CHRNB3: variants seen among roughly 807,000 people sequenced by gnomAD.
The protein encoded by CHRNB3 is neuronal acetylcholine receptor subunit beta-3.
A neutral mutation model predicts 40.6 loss-of-function variants in CHRNB3; 37 were observed. The observed-to-expected ratio is 0.91, with a 90% CI of 0.70 to 1.20. The LOEUF is 1.20. CHRNB3 is among the 50% of genes most tolerant of loss of function. CHRNB3 has a pLI of 0.00. For missense variants in CHRNB3, 505 were observed against 551.2 expected, an observed-to-expected ratio of 0.92 and a Z score of 0.84; for synonymous variants, 207 against 207.1, an observed-to-expected ratio of 1.00 and a Z score of 0.00.
At chr8:42,724,680 TA>T (rs1490117543) in intron 3 of CHRNB3, among the ~76,000 whole-genome samples, 4 of 151,878 alleles carry the variant, frequency 2.6e-5, no homozygotes, top group African/African-American at 9.7e-5. Context: ...GCAGCCAATG[TA>T]GAAAACGCTG....
At chr8:42,725,253 C>T (rs112952661) in intron 3 of CHRNB3, among the ~76,000 whole-genome samples, 2,545 of 151,684 alleles carry the variant, frequency 0.017, 82 homozygotes, top group African/African-American at 0.059. Context: ...CCATGCCCGG[C>T]TAATTTTTGT....
chr8:42,734,647 C>T (rs1282989799), intron 5 of CHRNB3, among the ~76,000 whole-genome samples: 2 of 151,590 alleles, frequency 1.3e-5, no homozygotes, highest in African/African-American at 4.8e-5. Context: ...TGTCGATTTC[C>T]TGACCTCGTG....
intron 3 of CHRNB3, among the ~76,000 whole-genome samples, chr8:42,716,359 G>A (rs1816104914): frequency 6.6e-6 from 1 of 150,780 alleles, no homozygotes; most frequent in African/African-American, 2.5e-5. Flanking sequence ...GACAACAAAT[G>A]CCAAATTTAC....
At chr8:42,733,105 G>A (rs920416842) in intron 5 of CHRNB3, among the ~76,000 whole-genome samples, 1 of 151,942 alleles carries the variant, frequency 6.6e-6, no homozygotes, top group Non-Finnish European at 1.5e-5. Flanking sequence ...CAAAGCGGGT[G>A]TATCACTTGA....
rs1232659468 is a variant in CHRNB3, at chr8:42,731,063, AAT to A, written c.359+362_359+363del. ...GAGCGAGACTCCGTCTCAAAAAATA[AAT>A]AAATAAATAAATAAATAAATAAATA... is the stretch of plus-strand genomic sequence containing the variant. On this transcript the variant is annotated intron_variant, in intron 4 of 5. Coordinates refer to ENST00000289957, the MANE Select transcript of CHRNB3 (RefSeq NM_000749.5). Among the ~76,000 whole-genome samples, 33 of 133,832 alleles carry A rather than the reference AAT, an allele frequency of 2.5e-4. 1 individual carries two copies. The highest frequency in any genetic ancestry group is 9.8e-4 in the African/African-American group (33 of 33,616). The allele number at this position is 133,832 out of a possible 152,430, so 87.8% of individuals were successfully genotyped here.
chr8:42,703,435 A>AAAAAAAAAAAAT, intron 1 of CHRNB3, among the ~76,000 whole-genome samples: 4 of 47,398 alleles, frequency 8.4e-5, no homozygotes, highest in Non-Finnish European at 1.9e-4. Flanking sequence ...AAAAAAAAAA[A>AAAAAAAAAAAAT]ATATTTATAT....
chr8:42,705,369 G>T (rs527346189), intron 1 of CHRNB3, among the ~76,000 whole-genome samples: 197 of 152,336 alleles, frequency 1.3e-3, no homozygotes, highest in African/African-American at 4.6e-3. Flanking sequence ...AAGTTCAAGT[G>T]CTGGAAATTT....
Position 42,732,239 on chromosome 8 carries a change from T to C in CHRNB3, c.932T>C (p.Ile311Thr). 6.2e-7 allele frequency: 1 copy of C among 1,612,020 alleles called. No individual in the cohort carries two copies. The highest frequency in any genetic ancestry group is 2.2e-5 in the East Asian group (1 of 44,876). The change falls in exon 5 of 6, where the codon ATC becomes ACC. Residue 311 changes from isoleucine to threonine, a missense_variant. Transcript: ENST00000289957. ...LFIMIFVTLSIIVTVFVINVH... is the reference protein window; with the variant it reads ...LFIMIFVTLSTIVTVFVINVH... ...ATCATGATTTTTGTGACCCTGTCCATCATTGTTACCGTGTTTGTCATTAAC... is the reference window on the plus strand; with the variant it reads ...ATCATGATTTTTGTGACCCTGTCCACCATTGTTACCGTGTTTGTCATTAAC...
rs137865981 is a variant in CHRNB3, at chr8:42,736,977, G to A, written c.*359G>A. On this transcript the variant is annotated 3_prime_UTR_variant, in exon 6 of 6. Transcript: ENST00000289957. ...AGCAGGCCTCGGTGGTGGGGGAGGG[G>A]GGATTCACCTGGAATTAAGGAAGTC... 85 of 198,436 alleles carry A rather than the reference G, an allele frequency of 4.3e-4. No individual in the cohort carries two copies. The highest frequency in any genetic ancestry group is 7.7e-4 in the Non-Finnish European group (76 of 98,330). 12.3% of individuals were successfully genotyped at this position (198,436 alleles called of 1,614,324 possible). A position where few individuals can be genotyped will look rare whatever the true frequency, so the allele number is the denominator to read the frequency against.
intron 3 of CHRNB3, among the ~76,000 whole-genome samples, chr8:42,713,913 G>A (rs1481311954): frequency 6.6e-6 from 1 of 152,122 alleles, no homozygotes; most frequent in Admixed American, 6.5e-5. Context: ...CCTCCTTCCT[G>A]AACACTAAGC....
intron 1 of CHRNB3, among the ~76,000 whole-genome samples, chr8:42,701,806 G>C (rs75628551): frequency 1.3e-5 from 2 of 152,122 alleles, no homozygotes; most frequent in African/African-American, 4.8e-5. Context: ...CTTAAACTCT[G>C]ACAGTCTTTT....
chr8:42,731,182 G>C (rs1385217602), intron 4 of CHRNB3, among the ~76,000 whole-genome samples: 1 of 152,056 alleles, frequency 6.6e-6, no homozygotes, highest in Non-Finnish European at 1.5e-5. Flanking sequence ...TCTGATTCAG[G>C]CAAAATACTT....
intron 5 of CHRNB3, among the ~76,000 whole-genome samples, chr8:42,734,450 C>T (rs1188045231): frequency 3.4e-5 from 5 of 144,938 alleles, no homozygotes; most frequent in South Asian, 2.2e-4. Context: ...GATGGAGTCT[C>T]GCTCTGTCAC....
At chr8:42,712,053 C>T (rs567983760) in intron 3 of CHRNB3, among the ~76,000 whole-genome samples, 75 of 152,118 alleles carry the variant, frequency 4.9e-4, no homozygotes, top group Non-Finnish European at 8.8e-4. Flanking sequence ...AGTGCAATGG[C>T]GCAATCTCGG....
At chr8:42,734,637 T>TCTCC (rs2128909119) in intron 5 of CHRNB3, among the ~76,000 whole-genome samples, 1 of 151,794 alleles carries the variant, frequency 6.6e-6, no homozygotes, top group East Asian at 2.0e-4. Context: ...ACCAGGATGG[T>TCTCC]GTCGATTTCC....
At chr8:42,718,498 C>T (rs983280780) in intron 3 of CHRNB3, among the ~76,000 whole-genome samples, 2 of 151,504 alleles carry the variant, frequency 1.3e-5, no homozygotes, top group African/African-American at 4.9e-5. Flanking sequence ...ACAGTGAAAC[C>T]CCATTTCTAC....
Position 42,713,953 on chromosome 8 carries a change from G to C in CHRNB3, c.249+3519G>C, listed in dbSNP as rs952311391. On this transcript the variant is annotated intron_variant, in intron 3 of 5. Transcript: ENST00000289957. ...CTTCTAGATCACAGGAGGAGCCAAA[G>C]CAGGAGAAACGAAGCTTCACATTCC... 7.9e-5 allele frequency among the ~76,000 whole-genome samples: 12 copies of C among 152,292 alleles called. 1 individual carries two copies. Among genetic ancestry groups the C allele is most frequent in the African/African-American group, 2.9e-4 (12 of 41,574 alleles).
intron 1 of CHRNB3, among the ~76,000 whole-genome samples, chr8:42,708,498 A>ACACACACACACAC (rs59049088): frequency 1.7e-3 from 117 of 70,086 alleles, no homozygotes; most frequent in African/African-American, 3.4e-3. Flanking sequence ...CACACACACA[A>ACACACACACACAC]ACAAAATGTG....
Position 42,697,510 on chromosome 8 carries a change from A to C in CHRNB3, c.-37A>C. ...TTCCAGTGGAAATGCTCTGTTGTTAAAAAGGAAGAAACTGTCTTTCTGAAA... is the reference window on the plus strand; with the variant it reads ...TTCCAGTGGAAATGCTCTGTTGTTACAAAGGAAGAAACTGTCTTTCTGAAA... On this transcript the variant is annotated 5_prime_UTR_variant, in exon 1 of 6. An upstream open reading frame in the 5' UTR loses its in-frame stop. Transcript: ENST00000289957. The C allele has an allele frequency of 6.3e-7, 1 of 1,591,940 alleles. No individual in the cohort carries two copies. Among genetic ancestry groups the C allele is most frequent in the African/African-American group, 1.3e-5 (1 of 74,640 alleles).
Sources: allele counts gnomAD v4.1 joint callset (sites outside exome capture counted in the v4.1 genomes callset), GRCh38; gene constraint gnomAD v4.1.1; transcripts MANE v1.5; gene names NCBI Gene and HGNC (gene_info 2026-07-23, HGNC 2026-07-21).